Variants in GRM4 observed in about 807,000 individuals in gnomAD.
GRM4 encodes the protein metabotropic glutamate receptor 4.
A neutral mutation model predicts 81.7 loss-of-function variants in GRM4; 28 were observed. The observed-to-expected ratio is 0.34, with a 90% CI of 0.25 to 0.47. GRM4 has a LOEUF of 0.47. GRM4 is among the 20% of genes least tolerant of loss of function. GRM4 has a pLI of 1.00. For missense variants in GRM4, 948 were observed against 1,290.0 expected (o/e 0.73, Z 4.06); for synonymous variants, 488 against 528.8 (o/e 0.92, Z 1.06).
rs751550604 is a variant in GRM4 at position 34,036,325 on chromosome 6, G to A, written c.1785C>T (p.Ala595=). 2.0e-5 allele frequency: 33 copies of A among 1,613,922 alleles called. No homozygotes were observed. In the Admixed American group the frequency reaches 4.3e-4, roughly 21 times the overall value. The change falls in exon 9 of 11, where the codon GCC becomes GCT. Residue 595 remains alanine (A), a synonymous_variant. Coordinates refer to ENST00000538487, the MANE Select transcript of GRM4 (RefSeq NM_000841.4). This position sits in a 1 kb window ranked among gnomAD's most constrained non-coding sequence, Gnocchi z 9.0. The part of the protein sequence containing the change: ...SPWAVLPLFL[A]VVGIAATLFV... ...ACAACGTGGCAGCGATGCCCACCACGGCCAGGAAGAGGGGCAGCACGGCCC... is the reference window on the plus strand; with the variant it reads ...ACAACGTGGCAGCGATGCCCACCACAGCCAGGAAGAGGGGCAGCACGGCCC...
At position 34,069,153 on chromosome 6, in the gene GRM4, C is replaced by A. The variant is rs1766648416; in HGVS notation, c.737-7125G>T. On this transcript the variant is annotated intron_variant, in intron 3 of 10. Transcript: ENST00000538487. The surrounding 1 kb of genome is among the most constrained non-coding windows in gnomAD (Gnocchi z 6.4). ...ACAGGGGCTGGAAGCTACCCCTGGA[C>A]CCTCATGGGCGTATACACACACACA... 6.8e-6 allele frequency among the ~76,000 whole-genome samples: 1 copy of A among 147,788 alleles called. No individual in the cohort carries two copies. The highest frequency in any genetic ancestry group is 6.9e-5 in the Admixed American group (1 of 14,598).
At position 34,128,219 on chromosome 6, in the gene GRM4, T is replaced by C. The variant is rs1370072539; in HGVS notation, c.519+4759A>G. Among the ~76,000 whole-genome samples the C allele has an allele frequency of 4.6e-5, 7 of 152,354 alleles. No homozygotes were observed. In the South Asian group the frequency reaches 1.4e-3, roughly 32 times the overall value. On this transcript the variant is annotated intron_variant, in intron 2 of 10. Coordinates refer to ENST00000538487, the MANE Select transcript of GRM4 (RefSeq NM_000841.4). ...GGGATCAGCCTTAAAGGTCACCGTCTGTCGCTGCCTGCCCGCTCCATCCTC... is the reference window on the plus strand; with the variant it reads ...GGGATCAGCCTTAAAGGTCACCGTCCGTCGCTGCCTGCCCGCTCCATCCTC...
Position 34,111,042 on chromosome 6 carries a change from A to C in GRM4, c.520-18943T>G. 4.2e-6 allele frequency: 1 copy of C among 240,864 alleles called. No homozygotes were observed. Among genetic ancestry groups the C allele is most frequent in the Admixed American group, 5.7e-5 (1 of 17,664 alleles). 14.9% of individuals were successfully genotyped at this position (240,864 alleles called of 1,614,324 possible). ...CAAGGCTTGGGGGCAGCTCCAGACA[A>C]TCCGTCTCATGCATTTGGATATCAG... On this transcript the variant is annotated intron_variant, in intron 2 of 10. Transcript: ENST00000538487. The surrounding 1 kb of genome is among the most constrained non-coding windows in gnomAD (Gnocchi z 5.1).
chr6:34,049,461 C>T (rs1450562023), intron 6 of GRM4, among the ~76,000 whole-genome samples: 1 of 152,082 alleles, frequency 6.6e-6, no homozygotes, highest in Admixed American at 6.6e-5. Flanking sequence ...GACCTCTTCT[C>T]TAGCCACACA....
intron 1 of GRM4, among the ~76,000 whole-genome samples, chr6:34,143,637 CCTG>C (rs1449854436): frequency 5.3e-5 from 8 of 152,240 alleles, no homozygotes; most frequent in African/African-American, 1.9e-4. Context: ...AGAACCAGAG[CCTG>C]AGGTTCAGCA....
chr6:34,041,458 T>G (rs911876783), intron 6 of GRM4, among the ~76,000 whole-genome samples: 16 of 152,164 alleles, frequency 1.1e-4, no homozygotes, highest in Non-Finnish European at 2.1e-4. Context: ...CACTGCTAAT[T>G]GCAATGACTC....
chr6:34,105,770 G>A lies in GRM4; in HGVS notation c.520-13671C>T, dbSNP rs116054836. Reference sequence around the variant, plus strand: ...CGCAAATTCAGCAGGTTCAAAGTCCGTCCCCGCCAGGTAACTGCTACTCTG... The same window carrying A: ...CGCAAATTCAGCAGGTTCAAAGTCCATCCCCGCCAGGTAACTGCTACTCTG... On this transcript the variant is annotated intron_variant, in intron 2 of 10. Transcript: ENST00000538487. Among the ~76,000 whole-genome samples, 1,254 of 152,270 alleles carry A rather than the reference G, an allele frequency of 8.2e-3. 11 individuals are homozygous for A. The highest frequency in any genetic ancestry group is 0.028 in the African/African-American group (1,146 of 41,536).
intron 2 of GRM4, among the ~76,000 whole-genome samples, chr6:34,110,067 C>T (rs11966397): frequency 0.052 from 7,873 of 152,190 alleles, 424 homozygotes; most frequent in African/African-American, 0.14. Context: ...GAGGCTGAAG[C>T]GGGCAGATTC....
rs1768135585 is a variant in GRM4, at chr6:34,090,348, AGAG to A, written c.736+1532_736+1534del. On this transcript the variant is annotated intron_variant, in intron 3 of 10. Transcript: ENST00000538487. The surrounding 1 kb of genome is among the most constrained non-coding windows in gnomAD (Gnocchi z 5.2). ...TGGTTTGGGGAAGAGTTGAAGCCAC[AGAG>A]GAGGAAAGGAGCCAGCAGAGCAGAG... Among the ~76,000 whole-genome samples the A allele has an allele frequency of 6.6e-6, 1 of 152,198 alleles. No homozygotes were observed. Among genetic ancestry groups the A allele is most frequent in the African/African-American group, 2.4e-5 (1 of 41,452 alleles).
chr6:34,055,346 G>A (rs560417789), intron 6 of GRM4: 3 of 152,296 alleles, frequency 2.0e-5, no homozygotes, highest in African/African-American at 7.2e-5. Context: ...CACTCACTCT[G>A]CAGATCAGGT....
At position 34,035,930 on chromosome 6, in the gene GRM4, A is replaced by G. The variant is rs771042976; in HGVS notation, c.2180T>C (p.Val727Ala). 1.2e-6 allele frequency: 2 copies of G among 1,610,354 alleles called. No homozygotes were observed. Among genetic ancestry groups the G allele is most frequent in the Non-Finnish European group, 1.7e-6 (2 of 1,177,030 alleles). ...WFVVDPSHSV[V>A]DFQDQRTLDP... ...GAGTGTCCGCTGGTCCTGGAAGTCCACCACCGAGTGGGAGGGGTCCACCAC... is the reference window on the plus strand; with the variant it reads ...GAGTGTCCGCTGGTCCTGGAAGTCCGCCACCGAGTGGGAGGGGTCCACCAC... The change falls in exon 9 of 11, where the codon GTG (valine) becomes GCG (alanine). Residue 727 changes from valine (V) to alanine (A), a missense_variant. Val to Ala is a moderately conservative substitution (Grantham distance 64). Transcript: ENST00000538487. This position sits in a 1 kb window ranked among gnomAD's most constrained non-coding sequence, Gnocchi z 6.6.
chr6:34,150,633 C>G (rs1232718428), upstream of GRM4, among the ~76,000 whole-genome samples: 1 of 152,090 alleles, frequency 6.6e-6, no homozygotes, highest in Non-Finnish European at 1.5e-5. Flanking sequence ...CCTCAGTTTC[C>G]CCGCCTATAG....
rs918485088 is a variant in GRM4 at position 34,130,835 on chromosome 6, T to A, written c.519+2143A>T. ...GGCTGGACCAGGCTGTTTTACCATCTTTCTAAAAGACCCAGAGTCACTAAA... is the reference window on the plus strand; with the variant it reads ...GGCTGGACCAGGCTGTTTTACCATCATTCTAAAAGACCCAGAGTCACTAAA... On this transcript the variant is annotated intron_variant, in intron 2 of 10. Coordinates refer to ENST00000538487, the MANE Select transcript of GRM4 (RefSeq NM_000841.4). This position sits in a 1 kb window ranked among gnomAD's most constrained non-coding sequence, Gnocchi z 4.1. 1.3e-4 allele frequency among the ~76,000 whole-genome samples: 20 copies of A among 152,216 alleles called. No homozygotes were observed. The highest frequency in any genetic ancestry group is 1.8e-4 in the Non-Finnish European group (12 of 68,036).
intron 1 of GRM4, among the ~76,000 whole-genome samples, chr6:34,153,943 G>C (rs1467008193): frequency 7.9e-6 from 1 of 126,880 alleles, no homozygotes; most frequent in Admixed American, 7.7e-5. Context: ...AAAAAAAAAA[G>C]TTGAAGCCAG....
chr6:34,069,202 A>ACACACACACACG lies in GRM4; in HGVS notation c.737-7175_737-7174insCGTGTGTGTGTG, dbSNP rs1316022947. 1.0e-3 allele frequency among the ~76,000 whole-genome samples: 143 copies of ACACACACACACG among 142,256 alleles called. 1 individual carries two copies. The highest frequency in any genetic ancestry group is 3.8e-3 in the African/African-American group (133 of 35,050). 93.3% of individuals were successfully genotyped at this position (142,256 alleles called of 152,430 possible). On this transcript the variant is annotated intron_variant, in intron 3 of 10. Coordinates refer to ENST00000538487, the MANE Select transcript of GRM4 (RefSeq NM_000841.4). This position sits in a 1 kb window ranked among gnomAD's most constrained non-coding sequence, Gnocchi z 6.4. The stretch of plus-strand genomic sequence containing the variant: ...CACACACACACACACACACACACAC[A>ACACACACACACG]CACGCACGCACACACGGCTCCTTCC...
At chr6:34,045,419 G>A (rs914769909) in intron 6 of GRM4, among the ~76,000 whole-genome samples, 2 of 152,234 alleles carry the variant, frequency 1.3e-5, no homozygotes, top group African/African-American at 4.8e-5. Context: ...AGGTGGGTGG[G>A]TGGCGTCCCA....
chr6:34,143,674 T>C (rs1770798136), intron 1 of GRM4, among the ~76,000 whole-genome samples: 1 of 152,168 alleles, frequency 6.6e-6, no homozygotes, highest in South Asian at 2.1e-4. Context: ...CGGGGGAAAG[T>C]GGGGCTAGCC....
rs1299177640 is a variant in GRM4 at position 34,059,288 on chromosome 6, C to T, written c.873-160G>A. 1.5e-6 allele frequency: 1 copy of T among 677,424 alleles called. No homozygotes were observed. Among genetic ancestry groups the T allele is most frequent in the Non-Finnish European group, 2.6e-6 (1 of 391,542 alleles). 42.0% of individuals were successfully genotyped at this position (677,424 alleles called of 1,614,324 possible). The stretch of plus-strand genomic sequence containing the variant: ...TTTCACCCCAAGCCATGGATTCCCC[C>T]TACCCGCTGCCCTCACCTGCTCATA... On this transcript the variant is annotated intron_variant, in intron 4 of 10. Transcript: ENST00000538487. This position sits in a 1 kb window ranked among gnomAD's most constrained non-coding sequence, Gnocchi z 5.7.
chr6:34,123,760 C>T (rs1769909098), intron 2 of GRM4, among the ~76,000 whole-genome samples: 1 of 152,236 alleles, frequency 6.6e-6, no homozygotes, highest in African/African-American at 2.4e-5. Context: ...TCCCAGGCAA[C>T]AAATGGCAGA....
Sources: gnomAD v4.1 joint callset for allele counts (sites outside exome capture counted in the v4.1 genomes callset) on GRCh38, gnomAD v4.1.1 for gene constraint, Gnocchi (gnomAD v3.1) non-coding constraint, MANE v1.5 for transcripts, NCBI Gene and HGNC (gene_info 2026-07-23, HGNC 2026-07-21) for gene names.